Variants in STK17B observed in about 807,000 individuals in gnomAD.
STK17B encodes the protein serine/threonine-protein kinase 17B.
Under a neutral mutation model 42.0 loss-of-function variants are expected in STK17B, and 21 were observed. The observed-to-expected ratio is 0.50, with a 90% CI of 0.35 to 0.72. The LOEUF is 0.72. Ranked by LOEUF, STK17B falls within the 30% of genes least tolerant of loss-of-function variation. STK17B has a pLI of 0.00. For synonymous variants in STK17B, 143 were observed against 148.4 expected (o/e 0.96, Z 0.26); for missense variants, 349 against 446.0 (o/e 0.78, Z 1.96).
chr2:196,173,701 A>G (rs1699973471), upstream of STK17B, among the ~76,000 whole-genome samples: 1 of 152,202 alleles, frequency 6.6e-6, no homozygotes, highest in Non-Finnish European at 1.5e-5. Flanking sequence ...GGAAATCTCC[A>G]GGTGACCTGA....
intron 5 of STK17B, among the ~76,000 whole-genome samples, chr2:196,142,712 C>T (rs1348058369): frequency 2.6e-5 from 4 of 152,146 alleles, no homozygotes; most frequent in Non-Finnish European, 5.9e-5. Context: ...CCAATAATTA[C>T]ATTCATTTAT....
chr2:196,137,816 T>A, intron 7 of STK17B, 87 bp from the exon 8 acceptor site: 1 of 1,427,148 alleles, frequency 7.0e-7, no homozygotes, highest in Non-Finnish European at 9.4e-7. Flanking sequence ...ACATATTTTT[T>A]ACTTCTTGTG....
At chr2:196,142,921 AC>A (rs1209016113) in intron 5 of STK17B, among the ~76,000 whole-genome samples, 1 of 152,220 alleles carries the variant, frequency 6.6e-6, no homozygotes, top group African/African-American at 2.4e-5. Context: ...AAATTTATAT[AC>A]TGCTTCATAC....
chr2:196,170,118 T>A (rs1039480463), intron 1 of STK17B, among the ~76,000 whole-genome samples: 1 of 152,208 alleles, frequency 6.6e-6, no homozygotes. Context: ...TAAGCACTTG[T>A]TGAAAATTAC....
chr2:196,144,451 C>T (rs1699540021), intron 4 of STK17B, among the ~76,000 whole-genome samples: 1 of 112,156 alleles, frequency 8.9e-6, no homozygotes, highest in Non-Finnish European at 1.7e-5. Flanking sequence ...CGCACCACTG[C>T]AATTCAGCCT....
chr2:196,173,632 C>G (rs563986610), upstream of STK17B, among the ~76,000 whole-genome samples: 4 of 152,302 alleles, frequency 2.6e-5, no homozygotes, highest in East Asian at 7.7e-4. Flanking sequence ...ACCTCATTTA[C>G]CTAAACTCAT....
intron 3 of STK17B, chr2:196,154,289 T>C (rs1699709887): frequency 6.6e-6 from 1 of 152,096 alleles, no homozygotes; most frequent in Non-Finnish European, 1.5e-5. Context: ...GGTCTGTAAA[T>C]ATCACTACAC....
At chr2:196,170,810 A>G (rs538260037) in intron 1 of STK17B, 1 of 152,322 alleles carries the variant, frequency 6.6e-6, no homozygotes, top group East Asian at 1.9e-4. Flanking sequence ...GTAACTGAAA[A>G]CGTCCCACAA....
intron 3 of STK17B, chr2:196,156,009 A>G (rs1699733311): frequency 6.4e-6 from 1 of 156,206 alleles, no homozygotes. Context: ...ATTTTCTTGA[A>G]GGTATTTTTC....
At chr2:196,165,885 C>T (rs899961673) in intron 1 of STK17B, among the ~76,000 whole-genome samples, 1 of 152,246 alleles carries the variant, frequency 6.6e-6, no homozygotes, top group Non-Finnish European at 1.5e-5. Flanking sequence ...CATTGTTGAA[C>T]AGCTGTACTG....
rs1339765393 is a variant in STK17B, at chr2:196,137,756, T to C, written c.837-27A>G. 4.4e-6 allele frequency: 7 copies of C among 1,579,320 alleles called. No individual in the cohort carries two copies. The South Asian group carries it at 7.0e-5, about 16-fold the overall frequency. On this transcript the variant is annotated intron_variant, in intron 7 of 7. Coordinates refer to ENST00000263955, the MANE Select transcript of STK17B (RefSeq NM_004226.4). ...TTTGAAAGAAAGCACCAAGGGAAAATTGAGAACTAAAAATCAAGTTGAAAA... is the reference window on the plus strand; with the variant it reads ...TTTGAAAGAAAGCACCAAGGGAAAACTGAGAACTAAAAATCAAGTTGAAAA...
intron 3 of STK17B, among the ~76,000 whole-genome samples, chr2:196,149,807 T>G (rs1699638629): frequency 6.6e-6 from 1 of 152,230 alleles, no homozygotes; most frequent in Non-Finnish European, 1.5e-5. Flanking sequence ...TTTCTGTATC[T>G]CCTAAATTTA....
chr2:196,138,269 C>G (rs918722705), intron 7 of STK17B, among the ~76,000 whole-genome samples: 6 of 152,174 alleles, frequency 3.9e-5, no homozygotes, highest in African/African-American at 1.4e-4. Flanking sequence ...CTCCATGTTT[C>G]TGCAATTTGC....
intron 3 of STK17B, among the ~76,000 whole-genome samples, chr2:196,150,789 T>C (rs1699655376): frequency 6.6e-6 from 1 of 152,196 alleles, no homozygotes; most frequent in Non-Finnish European, 1.5e-5. Flanking sequence ...TATATTCCTA[T>C]GCTAATGGGA....
rs376687596 is a variant in STK17B at position 196,145,186 on chromosome 2, G to A, written c.480+725C>T. Among the ~76,000 whole-genome samples, 95 of 151,548 alleles carry A rather than the reference G, an allele frequency of 6.3e-4. 2 individuals are homozygous for A. In the South Asian group the frequency reaches 0.018, roughly 29 times the overall value. ...ACAGGGTTTTTTCTTTTGAAAAAGC[G>A]GTAAGAGGATTTGGAAATTAAGGGA... On this transcript the variant is annotated intron_variant, in intron 4 of 7. Transcript: ENST00000263955.
intron 3 of STK17B, among the ~76,000 whole-genome samples, chr2:196,146,730 T>C (rs1699582386): frequency 2.6e-5 from 4 of 152,028 alleles, no homozygotes; most frequent in African/African-American, 7.2e-5. Flanking sequence ...TGAATTCTTA[T>C]ATATATATCA....
chr2:196,142,411 C>T (rs1699507084), intron 5 of STK17B, among the ~76,000 whole-genome samples: 2 of 151,970 alleles, frequency 1.3e-5, no homozygotes, highest in South Asian at 2.1e-4. Context: ...TATCAAGGAC[C>T]TAATTTCCAA....
rs1009681463 is a variant in STK17B, at chr2:196,136,660, T to C, written c.*787A>G. 6.6e-6 allele frequency: 1 copy of C among 152,228 alleles called. No individual in the cohort carries two copies. The highest frequency in any genetic ancestry group is 1.5e-5 in the Non-Finnish European group (1 of 68,038). 9.4% of individuals were successfully genotyped at this position (152,228 alleles called of 1,614,324 possible). ...AATATTTAACTATACCTAAGTATCT[T>C]CTACTCTAGAAATTCTGGAGGATTA... On this transcript the variant is annotated 3_prime_UTR_variant, in exon 8 of 8. Coordinates refer to ENST00000263955, the MANE Select transcript of STK17B (RefSeq NM_004226.4).
intron 2 of STK17B, among the ~76,000 whole-genome samples, chr2:196,162,764 C>T (rs1279576126): frequency 1.3e-5 from 2 of 151,970 alleles, no homozygotes; most frequent in African/African-American, 4.8e-5. Context: ...GTGGTGTGTG[C>T]CTGTAGTCCC....
Sources: allele counts gnomAD v4.1 joint callset (sites outside exome capture counted in the v4.1 genomes callset), GRCh38; gene constraint gnomAD v4.1.1; transcripts MANE v1.5; gene names NCBI Gene and HGNC (gene_info 2026-07-23, HGNC 2026-07-21).